RBFOX1: variants seen among roughly 807,000 people sequenced by gnomAD.
RBFOX1 encodes the protein RNA binding fox-1 homolog 1, also known as RNA binding protein fox-1 homolog 1.
In RBFOX1, 8 loss-of-function variants were observed where a neutral mutation model predicts 57.7. The ratio of observed to expected loss-of-function variants is 0.14; its 90% CI spans 0.08 to 0.25. The LOEUF is 0.25. RBFOX1 is among the 10% of genes least tolerant of loss of function. RBFOX1 has a pLI of 1.00. For missense variants in RBFOX1, 611 were observed against 548.5 expected (o/e 1.11, Z -1.14); for synonymous variants, 326 against 222.4 (o/e 1.47, Z -4.15).
rs1422931210 is a variant in RBFOX1, at chr16:7,272,076, A to G, written c.27+219978A>G. Among the ~76,000 whole-genome samples the G allele has an allele frequency of 2.6e-5, 4 of 152,272 alleles. No homozygotes were observed. The South Asian group carries it at 6.2e-4, about 24-fold the overall frequency. On this transcript the variant is annotated intron_variant, in intron 4 of 15. Coordinates refer to ENST00000550418, the MANE Select transcript of RBFOX1 (RefSeq NM_018723.4). ...AGCGGCTTGTGATCATATCCTCTTC[A>G]TATCCCCATTGTCGGCGTTTGTAAG... is the stretch of plus-strand genomic sequence containing the variant.
At chr16:6,711,768 C>A (rs990836624) in intron 3 of RBFOX1, among the ~76,000 whole-genome samples, 3 of 152,254 alleles carry the variant, frequency 2.0e-5, no homozygotes, top group Non-Finnish European at 2.9e-5. Context: ...TCACCACTCT[C>A]ATTCTAGACT....
intron 4 of RBFOX1, among the ~76,000 whole-genome samples, chr16:7,257,114 G>A (rs1229139643): frequency 6.6e-6 from 1 of 152,132 alleles, no homozygotes; most frequent in African/African-American, 2.4e-5. Context: ...TCAGTGAACA[G>A]TTGTGAAACT....
intron 3 of RBFOX1, among the ~76,000 whole-genome samples, chr16:6,854,083 C>G (rs1278716395): frequency 2.0e-5 from 3 of 152,136 alleles, no homozygotes; most frequent in African/African-American, 4.8e-5. Context: ...TTATTTAAAG[C>G]TGAGTGTGAT....
chr16:7,325,201 C>G (rs1016178790), intron 4 of RBFOX1, among the ~76,000 whole-genome samples: 4 of 152,176 alleles, frequency 2.6e-5, no homozygotes, highest in East Asian at 3.9e-4. Context: ...AGCCTCTGAG[C>G]TAAACACTGC....
chr16:7,650,787 A>C (rs1378691916), intron 11 of RBFOX1, among the ~76,000 whole-genome samples: 1 of 152,178 alleles, frequency 6.6e-6, no homozygotes, highest in Non-Finnish European at 1.5e-5. Context: ...TTATTTCAAA[A>C]TCCAGGGTGT....
At chr16:6,762,522 A>G (rs999595837) in intron 3 of RBFOX1, among the ~76,000 whole-genome samples, 2 of 152,146 alleles carry the variant, frequency 1.3e-5, no homozygotes, top group African/African-American at 4.8e-5. Context: ...CCCCTTTACA[A>G]GGTATACGCC....
chr16:6,042,874 G>A (rs1207701426), intron 1 of RBFOX1, among the ~76,000 whole-genome samples: 2 of 152,140 alleles, frequency 1.3e-5, no homozygotes, highest in Admixed American at 6.5e-5. Flanking sequence ...CTGATTGACA[G>A]TTGATTGAAA....
chr16:6,199,112 G>A (rs2097199134), intron 1 of RBFOX1, among the ~76,000 whole-genome samples: 1 of 151,652 alleles, frequency 6.6e-6, no homozygotes, highest in African/African-American at 2.4e-5. Context: ...TTTTCTTATT[G>A]AAAAAAATAT....
chr16:6,895,816 A>G (rs940153205), intron 3 of RBFOX1, among the ~76,000 whole-genome samples: 2 of 152,078 alleles, frequency 1.3e-5, no homozygotes, highest in Admixed American at 6.5e-5. Flanking sequence ...GACTTGAGCA[A>G]TTTGTTTAAA....
chr16:7,473,102 G>C (rs1056427872), intron 4 of RBFOX1, among the ~76,000 whole-genome samples: 1 of 152,136 alleles, frequency 6.6e-6, no homozygotes, highest in African/African-American at 2.4e-5. Context: ...TCTCCGCTAG[G>C]TGCAGTGGCT....
At chr16:6,897,263 A>AC (rs1199561515) in intron 3 of RBFOX1, among the ~76,000 whole-genome samples, 1 of 152,332 alleles carries the variant, frequency 6.6e-6, no homozygotes, top group East Asian at 1.9e-4. Context: ...CTTTACTAAA[A>AC]ATACAAAAAT....
At chr16:7,290,751 G>A (rs2095754197) in intron 4 of RBFOX1, among the ~76,000 whole-genome samples, 1 of 152,176 alleles carries the variant, frequency 6.6e-6, no homozygotes, top group African/African-American at 2.4e-5. Context: ...ACAGGATGGG[G>A]GCGTGGAAGA....
At chr16:6,371,190 G>C (rs539746563) in intron 2 of RBFOX1, among the ~76,000 whole-genome samples, 7 of 152,194 alleles carry the variant, frequency 4.6e-5, no homozygotes, top group Non-Finnish European at 7.4e-5. Flanking sequence ...GGGGGTGGGA[G>C]GAATGGTTTT....
At chr16:7,465,128 G>C (rs1451556765) in intron 4 of RBFOX1, among the ~76,000 whole-genome samples, 1 of 152,038 alleles carries the variant, frequency 6.6e-6, no homozygotes, top group Non-Finnish European at 1.5e-5. Flanking sequence ...TATTTTCTAC[G>C]TCAGGGGCTT....
intron 14 of RBFOX1, among the ~76,000 whole-genome samples, chr16:7,704,303 CTTTG>C (rs1344303613): frequency 1.3e-5 from 2 of 152,150 alleles, no homozygotes; most frequent in Admixed American, 6.5e-5. Context: ...TCTTTTATAT[CTTTG>C]TTTAGTTTTT....
chr16:6,991,161 A>AAAAAAAAAAAAAAAC lies in RBFOX1; in HGVS notation c.-15-60895_-15-60894insAAAAAAAAAAAAACA, dbSNP rs1271872183. 1.1e-4 allele frequency among the ~76,000 whole-genome samples: 15 copies of AAAAAAAAAAAAAAAC among 140,006 alleles called. 1 individual carries two copies. The highest frequency in any genetic ancestry group is 2.3e-4 in the East Asian group (1 of 4,428). 91.8% of individuals were successfully genotyped at this position (140,006 alleles called of 152,430 possible). A position where few individuals can be genotyped will look rare whatever the true frequency, so the allele number is the denominator to read the frequency against. ...CAAAAAAAAAAAAAAAAAAAAAAAA[A>AAAAAAAAAAAAAAAC]AGACACGGTGGCGTGTACCTTTAGT... On this transcript the variant is annotated intron_variant, in intron 3 of 15. Transcript: ENST00000550418.
At chr16:5,313,022 C>A (rs1020647588) in intron 1 of RBFOX1, among the ~76,000 whole-genome samples, 1 of 152,094 alleles carries the variant, frequency 6.6e-6, no homozygotes, top group African/African-American at 2.4e-5. Flanking sequence ...GAATGGCAGG[C>A]TCAGTGATGA....
chr16:5,498,587 A>G (rs556099059), intron 2 of RBFOX1, among the ~76,000 whole-genome samples: 3 of 152,288 alleles, frequency 2.0e-5, no homozygotes, highest in South Asian at 2.1e-4. Context: ...CACTGGGAAG[A>G]TGTTTTAGGA....
intron 3 of RBFOX1, among the ~76,000 whole-genome samples, chr16:5,855,174 G>A (rs1171728785): frequency 6.6e-6 from 1 of 152,076 alleles, no homozygotes. Flanking sequence ...CACTCCGTAG[G>A]TTGCTATTTT....
Sources: gnomAD v4.1 joint callset for allele counts (sites outside exome capture counted in the v4.1 genomes callset) on GRCh38, gnomAD v4.1.1 for gene constraint, MANE v1.5 for transcripts, NCBI Gene and HGNC (gene_info 2026-07-23, HGNC 2026-07-21) for gene names.